The following ENPEP variants were observed in gnomAD, a reference collection of about 807,000 sequenced individuals.
The protein encoded by ENPEP is glutamyl aminopeptidase.
In ENPEP, 103 loss-of-function variants were observed where a neutral mutation model predicts 114.5. That is an observed-to-expected ratio of 0.90 (90% CI 0.77 to 1.06). The LOEUF (loss-of-function observed/expected upper bound fraction) is 1.06. Among genes scored for constraint, ENPEP ranks in the 50% least tolerant of loss-of-function variants. ENPEP has a pLI of 0.00. For synonymous variants in ENPEP, 420 were observed against 422.0 expected (o/e 1.00, Z 0.06); for missense variants, 1,196 against 1,161.3 (o/e 1.03, Z -0.43).
chr4:110,541,548 T>A (rs1017347990), intron 11 of ENPEP, among the ~76,000 whole-genome samples: 4 of 152,138 alleles, frequency 2.6e-5, no homozygotes, highest in African/African-American at 4.8e-5. Context: ...GACTCTAAAT[T>A]AGTCTTCTTG....
chr4:110,515,663 C>T lies in ENPEP; in HGVS notation c.1509+221C>T. The T allele has an allele frequency of 5.0e-6, 3 of 602,894 alleles. No homozygotes were observed. In the South Asian group the frequency reaches 5.0e-5, roughly 10 times the overall value. 37.3% of individuals were successfully genotyped at this position (602,894 alleles called of 1,614,324 possible). On this transcript the variant is annotated intron_variant, in intron 8 of 19. Coordinates refer to ENST00000265162, the MANE Select transcript of ENPEP (RefSeq NM_001977.4). ...CAGAAGTCTCATGGAGAAGTTGAAA[C>T]AGATTACTTAGTTATTTTTGAAACT...
At chr4:110,552,707 C>T (rs774065270) in intron 17 of ENPEP, among the ~76,000 whole-genome samples, 1 of 152,112 alleles carries the variant, frequency 6.6e-6, no homozygotes, top group Non-Finnish European at 1.5e-5. Context: ...GGGCTAGAAA[C>T]GCTACTCTAG....
intron 1 of ENPEP, among the ~76,000 whole-genome samples, chr4:110,478,204 C>T (rs1192184121): frequency 3.9e-5 from 6 of 151,986 alleles, no homozygotes; most frequent in Non-Finnish European, 2.9e-5. Flanking sequence ...TCAGACAGAC[C>T]CACGGACTAA....
At chr4:110,491,636 G>A (rs1354882459) in intron 3 of ENPEP, among the ~76,000 whole-genome samples, 2 of 151,572 alleles carry the variant, frequency 1.3e-5, no homozygotes, top group Non-Finnish European at 2.9e-5. Flanking sequence ...GTATCCAAAA[G>A]CATTTTTTAA....
intron 8 of ENPEP, chr4:110,518,986 A>C (rs1453888891): frequency 2.4e-6 from 1 of 422,850 alleles, no homozygotes; most frequent in South Asian, 1.8e-5. Flanking sequence ...CCAAATATTC[A>C]ATTATTTTAT....
At chr4:110,548,140 T>G (rs1387106562) in intron 13 of ENPEP, 36 bp from the exon 14 acceptor site, 1 of 43,730 alleles carries the variant, frequency 2.3e-5, no homozygotes, top group Non-Finnish European at 2.7e-5. Flanking sequence ...TAACTGTGAG[T>G]TTTTTTTTTT....
intron 1 of ENPEP, among the ~76,000 whole-genome samples, chr4:110,486,751 G>T (rs1350323449): frequency 2.0e-5 from 3 of 152,196 alleles, no homozygotes; most frequent in Non-Finnish European, 2.9e-5. Context: ...TAACTGCCCA[G>T]TGGGTTCACC....
chr4:110,517,944 A>G (rs1225082079), intron 8 of ENPEP, among the ~76,000 whole-genome samples: 1 of 152,224 alleles, frequency 6.6e-6, no homozygotes, highest in Non-Finnish European at 1.5e-5. Flanking sequence ...TTGAGTTGTC[A>G]TCATCACTCT....
intron 5 of ENPEP, 48 bp from the exon 6 acceptor site, chr4:110,510,197 A>G: frequency 1.3e-6 from 2 of 1,496,508 alleles, no homozygotes; most frequent in Non-Finnish European, 1.9e-6. Flanking sequence ...AGGCCTCTCT[A>G]CCATACCCAT....
At chr4:110,477,206 A>C in intron 1 of ENPEP, 148 bp downstream of exon 1, 2 of 1,168,898 alleles carry the variant, frequency 1.7e-6, no homozygotes, top group Non-Finnish European at 2.4e-6. Flanking sequence ...CCATCTGGGA[A>C]GCCAAAATTG....
chr4:110,538,760 A>C (rs769404079), intron 11 of ENPEP, among the ~76,000 whole-genome samples: 1 of 152,208 alleles, frequency 6.6e-6, no homozygotes, highest in Non-Finnish European at 1.5e-5. Flanking sequence ...AGAGATGTTT[A>C]ACTCTTACTT....
Position 110,549,720 on chromosome 4 carries a change from C to G in ENPEP, c.2335C>G (p.Pro779Ala). The G allele has an allele frequency of 6.2e-7, 1 of 1,612,714 alleles. No individual in the cohort carries two copies. The highest frequency in any genetic ancestry group is 8.5e-7 in the Non-Finnish European group (1 of 1,179,354). Residue 779 changes from proline (P) to alanine (A), a missense_variant, in exon 17 of 20, where the codon CCC becomes GCC. Coordinates refer to ENST00000265162, the MANE Select transcript of ENPEP (RefSeq NM_001977.4). ...AAACACTGTTTCTTCTTCTAGCCTT[C>G]CCGTAAATCTCAGGCTTCTGGTGTA... ...EQWLNGTVSL[P>A]VNLRLLVYRY...
intron 1 of ENPEP, among the ~76,000 whole-genome samples, chr4:110,479,298 C>T (rs1406107602): frequency 2.0e-5 from 3 of 152,104 alleles, no homozygotes; most frequent in Non-Finnish European, 4.4e-5. Context: ...AGTTGATTCA[C>T]TTTTCCATTA....
chr4:110,491,663 A>C (rs1007930540), intron 3 of ENPEP, among the ~76,000 whole-genome samples: 2 of 152,166 alleles, frequency 1.3e-5, no homozygotes, highest in African/African-American at 4.8e-5. Context: ...GATAAAATAT[A>C]AATAAGCTTT....
chr4:110,544,867 C>T (rs1281414877), intron 13 of ENPEP, among the ~76,000 whole-genome samples: 6 of 152,040 alleles, frequency 3.9e-5, no homozygotes, highest in Admixed American at 2.6e-4. Flanking sequence ...TGGCCACAGC[C>T]CCATAAAATT....
chr4:110,561,977 C>A lies in ENPEP; in HGVS notation c.*419C>A, dbSNP rs1042279. 0.076 allele frequency: 11,814 copies of A among 154,464 alleles called. 534 individuals carry two copies. The highest frequency in any genetic ancestry group is 0.14 in the South Asian group (699 of 4,918). The allele number at this position is 154,464 out of a possible 1,614,324, so 9.6% of individuals were successfully genotyped here. ...GTTTAAATACCAGTACTTGAGGGAC[C>A]AATATTACCATCTTAATCTTTATTT... On this transcript the variant is annotated 3_prime_UTR_variant, in exon 20 of 20. Coordinates refer to ENST00000265162, the MANE Select transcript of ENPEP (RefSeq NM_001977.4).
At chr4:110,508,752 A>G (rs1317678095) in intron 4 of ENPEP, among the ~76,000 whole-genome samples, 1 of 152,226 alleles carries the variant, frequency 6.6e-6, no homozygotes, top group East Asian at 1.9e-4. Context: ...CAGAGCTTGC[A>G]GTGAGCCGAG....
At chr4:110,554,991 G>A (rs1419714016) in intron 18 of ENPEP, among the ~76,000 whole-genome samples, 3 of 151,706 alleles carry the variant, frequency 2.0e-5, no homozygotes, top group Non-Finnish European at 4.4e-5. Flanking sequence ...TTTCACTTCA[G>A]GAAAATTAAG....
rs745490754 is a variant in ENPEP, at chr4:110,549,806, C to T, written c.2421C>T (p.Tyr807=). The part of the protein sequence containing the change: ...EISWNYTLEQ[Y]QKTSLAQEKE... ...CATGGAACTACACTCTTGAGCAATA[C>T]CAGAAAACTTCATTAGCTCAAGAAA... Residue 807 remains tyrosine (Y), a synonymous_variant, in exon 17 of 20, where the codon TAC becomes TAT. Transcript: ENST00000265162. 3 of 1,613,306 alleles carry T rather than the reference C, an allele frequency of 1.9e-6. No homozygotes were observed. The South Asian group carries it at 3.3e-5, about 18-fold the overall frequency.
Sources: allele counts gnomAD v4.1 joint callset (sites outside exome capture counted in the v4.1 genomes callset), GRCh38; gene constraint gnomAD v4.1.1; transcripts MANE v1.5; gene names NCBI Gene and HGNC (gene_info 2026-07-23, HGNC 2026-07-21).